The following DLGAP2 variants were observed in gnomAD, a reference collection of about 807,000 sequenced individuals.
DLGAP2 encodes DLG associated protein 2.
In DLGAP2, 26 loss-of-function variants were observed where a neutral mutation model predicts 100.3. The ratio of observed to expected loss-of-function variants is 0.26; its 90% CI spans 0.19 to 0.36. DLGAP2 has a LOEUF of 0.36. Among genes scored for constraint, DLGAP2 ranks in the 10% least tolerant of loss-of-function variants. The pLI, the probability that DLGAP2 is intolerant of heterozygous loss-of-function variation, is 1.00. For missense variants in DLGAP2, 1,858 were observed against 1,453.2 expected, an observed-to-expected ratio of 1.28 and a Z score of -4.53; for synonymous variants, 886 against 630.1, an observed-to-expected ratio of 1.41 and a Z score of -6.08.
At chr8:951,326 A>G (rs1291374410) in intron 2 of DLGAP2, among the ~76,000 whole-genome samples, 1 of 151,270 alleles carries the variant, frequency 6.6e-6, no homozygotes, top group East Asian at 2.0e-4. Flanking sequence ...GCTCACTGCA[A>G]ACTCTGCCTC....
chr8:1,174,763 A>G (rs568348816), intron 2 of DLGAP2, among the ~76,000 whole-genome samples: 75 of 152,236 alleles, frequency 4.9e-4, no homozygotes, highest in African/African-American at 1.7e-3. Flanking sequence ...TACTATCACT[A>G]TCATCATTGT....
chr8:1,120,376 A>T (rs1307257444), intron 2 of DLGAP2, among the ~76,000 whole-genome samples: 2 of 152,196 alleles, frequency 1.3e-5, no homozygotes, highest in East Asian at 3.9e-4. Context: ...GAATTTGTGA[A>T]CACTAACCCT....
chr8:1,353,402 A>C (rs111789913), intron 3 of DLGAP2, among the ~76,000 whole-genome samples: 1 of 152,236 alleles, frequency 6.6e-6, no homozygotes, highest in African/African-American at 2.4e-5. Flanking sequence ...TTTTGCTTTC[A>C]GTACCATGGT....
intron 2 of DLGAP2, among the ~76,000 whole-genome samples, chr8:1,111,557 A>T (rs1034609951): frequency 6.6e-6 from 1 of 152,038 alleles, no homozygotes; most frequent in African/African-American, 2.4e-5. Flanking sequence ...CCCCGCTCCC[A>T]TATGCCACCC....
intron 3 of DLGAP2, chr8:1,381,244 C>T (rs889655593): frequency 6.6e-6 from 1 of 152,136 alleles, no homozygotes. Flanking sequence ...CCACCAATTC[C>T]ATGTGTGCCC....
chr8:1,533,256 T>C (rs1161408117), intron 4 of DLGAP2, among the ~76,000 whole-genome samples: 1 of 152,088 alleles, frequency 6.6e-6, no homozygotes, highest in Non-Finnish European at 1.5e-5. Context: ...TCCAGCACTT[T>C]GGGAGGCCGA....
At chr8:1,224,095 G>A (rs1473345033) in intron 2 of DLGAP2, among the ~76,000 whole-genome samples, 1 of 152,190 alleles carries the variant, frequency 6.6e-6, no homozygotes, top group Admixed American at 6.5e-5. Context: ...CATCGTGGCA[G>A]ACAGAATTTA....
chr8:1,287,171 T>G (rs112322018), intron 3 of DLGAP2, among the ~76,000 whole-genome samples: 1 of 107,092 alleles, frequency 9.3e-6, no homozygotes, highest in African/African-American at 3.7e-5. Context: ...CGCGCGCGCG[T>G]GGTTCTGTTA....
intron 1 of DLGAP2, among the ~76,000 whole-genome samples, chr8:767,805 G>C (rs1462037255): frequency 6.6e-6 from 1 of 152,194 alleles, no homozygotes; most frequent in Admixed American, 6.5e-5. Flanking sequence ...TTGGTAAGTG[G>C]TTTAGAATTA....
rs555231814 is a variant in DLGAP2, at chr8:1,455,651, C to T, written c.107-45715C>T. Among the ~76,000 whole-genome samples the T allele has an allele frequency of 3.1e-4, 47 of 152,360 alleles. 2 individuals carry two copies. In the South Asian group the frequency reaches 7.2e-3, roughly 23 times the overall value. ...CTGTCTCAGCCCAGGGCCAGTCCCACTGCCAGGGGCACGCCCCCCATTTAT... is the reference window on the plus strand; with the variant it reads ...CTGTCTCAGCCCAGGGCCAGTCCCATTGCCAGGGGCACGCCCCCCATTTAT... On this transcript the variant is annotated intron_variant, in intron 3 of 14. Coordinates refer to ENST00000637795, the MANE Select transcript of DLGAP2 (RefSeq NM_001346810.2).
intron 3 of DLGAP2, among the ~76,000 whole-genome samples, chr8:1,315,216 A>C (rs1357875398): frequency 2.0e-5 from 3 of 152,220 alleles, no homozygotes; most frequent in Admixed American, 6.5e-5. Context: ...TTAAAAATAG[A>C]GCGTGTGCAA....
chr8:1,478,287 C>G (rs569943418), intron 3 of DLGAP2, among the ~76,000 whole-genome samples: 78 of 152,152 alleles, frequency 5.1e-4, no homozygotes, highest in Non-Finnish European at 9.1e-4. Context: ...CTTCCCTTTC[C>G]TTCAGGAATT....
At chr8:780,470 C>T (rs748157412) in intron 1 of DLGAP2, among the ~76,000 whole-genome samples, 1 of 152,192 alleles carries the variant, frequency 6.6e-6, no homozygotes, top group Non-Finnish European at 1.5e-5. Context: ...GACATCTCAA[C>T]GTAGTGATCT....
At chr8:1,216,073 T>G (rs181695687) in intron 2 of DLGAP2, among the ~76,000 whole-genome samples, 1 of 152,296 alleles carries the variant, frequency 6.6e-6, no homozygotes, top group African/African-American at 2.4e-5. Flanking sequence ...TGGCTCCAAG[T>G]TTGAATTACT....
chr8:1,648,507 G>A (rs1798093003), intron 8 of DLGAP2, among the ~76,000 whole-genome samples: 1 of 152,148 alleles, frequency 6.6e-6, no homozygotes, highest in South Asian at 2.1e-4. Context: ...GGACTCCCAG[G>A]AGGTTTGGAG....
intron 8 of DLGAP2, among the ~76,000 whole-genome samples, chr8:1,654,460 G>A (rs1435184449): frequency 2.6e-5 from 4 of 151,934 alleles, no homozygotes; most frequent in African/African-American, 4.8e-5. Flanking sequence ...TTGGGAGTTC[G>A]AGACCACCCT....
intron 1 of DLGAP2, among the ~76,000 whole-genome samples, chr8:779,068 A>G (rs974443605): frequency 2.6e-5 from 4 of 152,250 alleles, no homozygotes; most frequent in Non-Finnish European, 5.9e-5. Context: ...GCCCGTCAGA[A>G]AAGCGCAGTA....
chr8:1,024,136 C>T (rs1801713448), intron 2 of DLGAP2, among the ~76,000 whole-genome samples: 1 of 150,524 alleles, frequency 6.6e-6, no homozygotes, highest in African/African-American at 2.4e-5. Flanking sequence ...TGGACAGTCC[C>T]ATGCCAAGGT....
In DLGAP2 at chr8:960,494, C is replaced by G. The variant is rs554675435; in HGVS notation, c.73+52528C>G. ...AGGCAATCCGTCTGCCTTGGCCTCC[C>G]AAAGTGCTGGGATTACAAGCATGGG... On this transcript the variant is annotated intron_variant, in intron 2 of 14. Transcript: ENST00000637795. Among the ~76,000 whole-genome samples, 124 of 152,082 alleles carry G rather than the reference C, an allele frequency of 8.2e-4. 1 individual carries two copies. Among genetic ancestry groups the G allele is most frequent in the African/African-American group, 2.9e-3 (119 of 41,490 alleles).
Sources: gnomAD v4.1 joint callset for allele counts (sites outside exome capture counted in the v4.1 genomes callset) on GRCh38, gnomAD v4.1.1 for gene constraint, MANE v1.5 for transcripts, NCBI Gene and HGNC (gene_info 2026-07-23, HGNC 2026-07-21) for gene names.